Variants in ACSL4 observed in about 807,000 individuals in gnomAD.
ACSL4 encodes acyl-CoA synthetase long chain family member 4.
ACSL4 carries 9 observed loss-of-function variants against 49.1 expected under a neutral mutation model. That is an observed-to-expected ratio of 0.18 (90% CI 0.11 to 0.32). The LOEUF (loss-of-function observed/expected upper bound fraction) is 0.32. ACSL4 is among the 10% of genes least tolerant of loss of function. The pLI is 1.00. For synonymous variants in ACSL4, 191 were observed against 170.3 expected (o/e 1.12, Z -0.95); for missense variants, 333 against 493.7 (o/e 0.67, Z 3.08).
At chrX:109,721,057 T>C (rs1019581858) in intron 1 of ACSL4, among the ~76,000 whole-genome samples, 2 of 112,603 alleles carry the variant, frequency 1.8e-5, no homozygotes, top group African/African-American at 6.5e-5. Context: ...AACTGTTCTT[T>C]GAAGCTGCTT....
At chrX:109,649,520 T>A (rs1934915505) in intron 15 of ACSL4, among the ~76,000 whole-genome samples, 1 of 111,505 alleles carries the variant, frequency 9.0e-6, no homozygotes, top group Admixed American at 9.5e-5. Flanking sequence ...TACACAAAAA[T>A]CAATTCAAAA....
intron 15 of ACSL4, among the ~76,000 whole-genome samples, chrX:109,645,202 C>G (rs1383408691): frequency 8.8e-6 from 1 of 113,188 alleles, no homozygotes; most frequent in Non-Finnish European, 1.9e-5. Flanking sequence ...CCTCTGTAGG[C>G]TCCACCTCTG....
chrX:109,676,382 A>G lies in ACSL4; in HGVS notation c.930+1606T>C, dbSNP rs141782403. ...GGTATTTCTACAAATAAAGTATTACAATTTCTAACTGTGAACACTGAGGAC... is the reference window on the plus strand; with the variant it reads ...GGTATTTCTACAAATAAAGTATTACGATTTCTAACTGTGAACACTGAGGAC... On this transcript the variant is annotated intron_variant, in intron 8 of 15. Transcript: ENST00000672401. 3.6e-5 allele frequency among the ~76,000 whole-genome samples: 4 copies of G among 111,830 alleles called. No homozygotes were observed. In the East Asian group the frequency reaches 1.1e-3, roughly 31 times the overall value.
chrX:109,712,645 G>C (rs1926830795), intron 1 of ACSL4, among the ~76,000 whole-genome samples: 1 of 112,112 alleles, frequency 8.9e-6, no homozygotes, highest in Non-Finnish European at 1.9e-5. Context: ...GAAAATAAAA[G>C]GAAAATGAGA....
At chrX:109,676,964 A>AT (rs1226958157) in intron 8 of ACSL4, among the ~76,000 whole-genome samples, 124 of 105,744 alleles carry the variant, frequency 1.2e-3, no homozygotes, top group Middle Eastern at 5.0e-3. Context: ...ATTTTACTTA[A>AT]TTTTTTTTTT....
At chrX:109,675,688 GA>G (rs1010609312) in intron 8 of ACSL4, among the ~76,000 whole-genome samples, 5 of 109,431 alleles carry the variant, frequency 4.6e-5, no homozygotes, top group South Asian at 3.8e-4. Context: ...TTCACAAAGG[GA>G]AAAAAAAATT....
chrX:109,683,377 T>C lies in ACSL4; in HGVS notation c.-12-2A>G, dbSNP rs1187613100. The C allele has an allele frequency of 8.3e-7, 1 of 1,209,749 alleles. No individual in the cohort carries two copies. Among genetic ancestry groups the C allele is most frequent in the Non-Finnish European group, 1.1e-6 (1 of 894,755 alleles). ...TCTCTTTGCCATAGCGTTTTTCTTCTTGGCATTGGTAAGAAAATACCATGG... is the reference window on the plus strand; with the variant it reads ...TCTCTTTGCCATAGCGTTTTTCTTCCTGGCATTGGTAAGAAAATACCATGG... On this transcript the variant is annotated splice_acceptor_variant, in intron 2 of 15. Transcript: ENST00000672401. LOFTEE classifies it low-confidence loss of function (5UTR_SPLICE).
chrX:109,678,186 C>T, intron 7 of ACSL4, 75 bp from the exon 8 acceptor site: 1 of 1,203,098 alleles, frequency 8.3e-7, no homozygotes, highest in Non-Finnish European at 1.1e-6. Flanking sequence ...AGAGCTTTAT[C>T]ATTTTAATAT....
chrX:109,664,841 C>T (rs1486600353), intron 12 of ACSL4, among the ~76,000 whole-genome samples: 2 of 111,689 alleles, frequency 1.8e-5, no homozygotes, highest in South Asian at 7.4e-4. Flanking sequence ...ATTGTAGTTA[C>T]TGTGTATATT....
At chrX:109,651,887 A>T (rs1298913806) in intron 15 of ACSL4, among the ~76,000 whole-genome samples, 2 of 111,957 alleles carry the variant, frequency 1.8e-5, no homozygotes, top group Non-Finnish European at 3.8e-5. Context: ...CCTAAACATT[A>T]TCTAATACTC....
rs1475568144 is a variant in ACSL4 at position 109,659,608 on chromosome X, ATATT to A, written c.1698-101_1698-98del. On this transcript the variant is annotated intron_variant, in intron 14 of 15. Transcript: ENST00000672401. ...GTACAGTACAGATAATTCCAAATAT[ATATT>A]TCTCTTATTTATTAAAGTTTCATTA... The A allele has an allele frequency of 2.5e-5, 14 of 551,465 alleles. No individual in the cohort carries two copies. In the Admixed American group the frequency reaches 4.7e-4, roughly 19 times the overall value. The allele number at this position is 551,465 out of a possible 1,213,427, so 45.4% of individuals were successfully genotyped here. A position where few individuals can be genotyped will look rare whatever the true frequency, so the allele number is the denominator to read the frequency against.
chrX:109,659,240 G>T, intron 15 of ACSL4, 114 bp downstream of exon 15: 1 of 706,937 alleles, frequency 1.4e-6, no homozygotes, highest in Non-Finnish European at 2.2e-6. Context: ...TAAGAAATAG[G>T]TTTCTTAAAA....
chrX:109,646,783 C>G (rs1458757865), intron 15 of ACSL4, among the ~76,000 whole-genome samples: 1 of 110,155 alleles, frequency 9.1e-6, no homozygotes, highest in Non-Finnish European at 1.9e-5. Flanking sequence ...ACCCATCTCA[C>G]GTGCAGAGAC....
In ACSL4 at chrX:109,644,137, C is replaced by T. The variant is rs752203390; in HGVS notation, c.1905G>A (p.Glu635=). The change falls in exon 16 of 16, where the codon GAG becomes GAA. Residue 635 remains glutamate, a synonymous_variant. Transcript: ENST00000672401. Reference sequence around the variant, plus strand: ...CCAAACCAGTTTCAGGGGTCCATGGCTCTGGGCTTAATCGAACCTTGATTG... The same window carrying T: ...CCAAACCAGTTTCAGGGGTCCATGGTTCTGGGCTTAATCGAACCTTGATTG... The part of the protein sequence containing the change: ...EIPIKVRLSP[E]PWTPETGLVT... 68 of 1,208,052 alleles carry T rather than the reference C, an allele frequency of 5.6e-5. No individual in the cohort carries two copies. Among genetic ancestry groups the T allele is most frequent in the Admixed American group, 1.1e-4 (5 of 45,496 alleles).
rs199937194 is a variant in ACSL4 at position 109,678,122 on chromosome X, A to G, written c.807-11T>C. The G allele has an allele frequency of 1.7e-6, 2 of 1,211,691 alleles. No homozygotes were observed. The highest frequency in any genetic ancestry group is 2.2e-5 in the Admixed American group (1 of 46,126). The stretch of plus-strand genomic sequence containing the variant: ...TATGTGTCCTTCGGTCTAAAACAAA[A>G]TAAGAGAAATATTTTAACCATTCTT... On this transcript the variant is annotated splice_polypyrimidine_tract_variant and intron_variant, in intron 7 of 15. Coordinates refer to ENST00000672401, the MANE Select transcript of ACSL4 (RefSeq NM_001318510.2).
intron 1 of ACSL4, among the ~76,000 whole-genome samples, chrX:109,724,221 A>C (rs1038019135): frequency 4.5e-5 from 5 of 111,653 alleles, no homozygotes; most frequent in East Asian, 5.6e-4. Flanking sequence ...ATACTCATTC[A>C]ACAAACTTTG....
At chrX:109,645,998 C>T (rs1391066136) in intron 15 of ACSL4, among the ~76,000 whole-genome samples, 1 of 111,654 alleles carries the variant, frequency 9.0e-6, no homozygotes, top group East Asian at 2.8e-4. Context: ...ACGAGCAAAG[C>T]CTCCAAGAAA....
At chrX:109,672,079 TAAAAAAAAAAAA>T (rs764711316) in intron 9 of ACSL4, among the ~76,000 whole-genome samples, 2 of 37,389 alleles carry the variant, frequency 5.3e-5, no homozygotes, top group African/African-American at 1.1e-4. Context: ...CAATAAATAC[TAAAAAAAAAAAA>T]AAAAAAAAAA....
intron 15 of ACSL4, 118 bp downstream of exon 15, chrX:109,659,236 A>G: frequency 4.4e-6 from 3 of 687,670 alleles, no homozygotes; most frequent in Non-Finnish European, 4.5e-6. Context: ...TATTTAAGAA[A>G]TAGGTTTCTT....
Sources: gnomAD v4.1 joint callset for allele counts (sites outside exome capture counted in the v4.1 genomes callset) on GRCh38, gnomAD v4.1.1 for gene constraint, MANE v1.5 for transcripts, NCBI Gene and HGNC (gene_info 2026-07-23, HGNC 2026-07-21) for gene names.